SH3BGRL: variants seen among roughly 807,000 people sequenced by gnomAD.
SH3BGRL encodes the protein adapter SH3BGRL.
In SH3BGRL, 7 loss-of-function variants were observed where a neutral mutation model predicts 9.8. The ratio of observed to expected loss-of-function variants is 0.72; its 90% CI spans 0.41 to 1.35. The LOEUF (loss-of-function observed/expected upper bound fraction) is 1.35, where lower values mean the gene tolerates loss of function less well. SH3BGRL is among the 40% of genes most tolerant of loss of function. SH3BGRL has a pLI of 0.01. For synonymous variants in SH3BGRL, 36 were observed against 29.1 expected, an observed-to-expected ratio of 1.24 and a Z score of -0.76; for missense variants, 73 against 84.4, an observed-to-expected ratio of 0.86 and a Z score of 0.53.
chrX:81,225,382 G>T (rs893034539), intron 1 of SH3BGRL, among the ~76,000 whole-genome samples: 15 of 110,642 alleles, frequency 1.4e-4, no homozygotes, highest in African/African-American at 4.6e-4. Context: ...GTACCCAATA[G>T]ATAAATTTTC....
rs949287779 is a variant in SH3BGRL, at chrX:81,222,659, A to G, written c.45+20414A>G. Among the ~76,000 whole-genome samples the G allele has an allele frequency of 1.4e-3, 156 of 111,293 alleles. 1 individual carries two copies. Among genetic ancestry groups the G allele is most frequent in the South Asian group, 2.7e-3 (7 of 2,595 alleles). On this transcript the variant is annotated intron_variant, in intron 1 of 3. Coordinates refer to ENST00000373212, the MANE Select transcript of SH3BGRL (RefSeq NM_003022.3). ...CATGTGCATGTGTCTTTATAGCAGCATATTTTATAGTCTTTTGGGTATATG... is the reference window on the plus strand; with the variant it reads ...CATGTGCATGTGTCTTTATAGCAGCGTATTTTATAGTCTTTTGGGTATATG...
chrX:81,220,001 G>A (rs1392818697), intron 1 of SH3BGRL, among the ~76,000 whole-genome samples: 1 of 111,089 alleles, frequency 9.0e-6, no homozygotes, highest in Non-Finnish European at 1.9e-5. Context: ...TTTTTAATGT[G>A]TTCATGAATT....
At chrX:81,283,696 AC>A (rs983198507) in intron 3 of SH3BGRL, among the ~76,000 whole-genome samples, 4 of 111,575 alleles carry the variant, frequency 3.6e-5, no homozygotes, top group Non-Finnish European at 5.7e-5. Flanking sequence ...CCTATGACAA[AC>A]CCACAGCCAA....
rs746688299 is a variant in SH3BGRL at position 81,297,394 on chromosome X, C to A, written c.*167C>A. 7.3e-6 allele frequency: 3 copies of A among 413,195 alleles called. No individual in the cohort carries two copies. Among genetic ancestry groups the A allele is most frequent in the Non-Finnish European group, 8.4e-6 (2 of 237,101 alleles). The allele number at this position is 413,195 out of a possible 1,213,427, so 34.1% of individuals were successfully genotyped here. On this transcript the variant is annotated 3_prime_UTR_variant, in exon 4 of 4. Coordinates refer to ENST00000373212, the MANE Select transcript of SH3BGRL (RefSeq NM_003022.3). ...AATGAATACAAAATTAAAATTTGAA[C>A]ATTATGGTGATTATGGTGAGGAGAA...
chrX:81,218,300 A>G (rs2075587493), intron 1 of SH3BGRL, among the ~76,000 whole-genome samples: 1 of 110,055 alleles, frequency 9.1e-6, no homozygotes, highest in Non-Finnish European at 1.9e-5. Context: ...TTGTGTGAGT[A>G]CTTTTTTTAA....
intron 1 of SH3BGRL, among the ~76,000 whole-genome samples, chrX:81,218,476 CTT>C (rs746432673): frequency 5.5e-5 from 6 of 109,167 alleles, no homozygotes; most frequent in African/African-American, 2.0e-4. Flanking sequence ...CTCAAAAAGA[CTT>C]TATCTGTCCT....
chrX:81,288,623 G>A (rs186789946), intron 3 of SH3BGRL, among the ~76,000 whole-genome samples: 2 of 112,136 alleles, frequency 1.8e-5, no homozygotes, highest in Non-Finnish European at 3.8e-5. Flanking sequence ...AAAGTCAGTA[G>A]CATTTCTATA....
At chrX:81,262,099 G>A (rs970517916) in intron 1 of SH3BGRL, among the ~76,000 whole-genome samples, 4 of 111,216 alleles carry the variant, frequency 3.6e-5, no homozygotes, top group African/African-American at 1.3e-4. Flanking sequence ...GCTGATTACA[G>A]CCACCTTACT....
chrX:81,278,098 G>A (rs1021140069), intron 2 of SH3BGRL, among the ~76,000 whole-genome samples: 4 of 111,627 alleles, frequency 3.6e-5, no homozygotes, highest in African/African-American at 1.3e-4. Flanking sequence ...AAGTAGCGGG[G>A]ATTACAGGCA....
At chrX:81,286,091 G>A (rs1025438399) in intron 3 of SH3BGRL, among the ~76,000 whole-genome samples, 59 of 111,166 alleles carry the variant, frequency 5.3e-4, no homozygotes, top group African/African-American at 1.9e-3. Context: ...TTTAAAACAA[G>A]GTATGTATTT....
At chrX:81,285,607 G>A (rs993972732) in intron 3 of SH3BGRL, among the ~76,000 whole-genome samples, 4 of 111,818 alleles carry the variant, frequency 3.6e-5, no homozygotes, top group African/African-American at 9.7e-5. Flanking sequence ...TATTTAACAA[G>A]AGGTTCAACT....
intron 1 of SH3BGRL, among the ~76,000 whole-genome samples, chrX:81,212,770 T>C (rs773155067): frequency 1.8e-5 from 2 of 111,662 alleles, no homozygotes; most frequent in South Asian, 7.5e-4. Context: ...TGCCAGGGAC[T>C]GCTTGGGACA....
At chrX:81,213,434 A>G (rs1204365499) in intron 1 of SH3BGRL, among the ~76,000 whole-genome samples, 1 of 112,519 alleles carries the variant, frequency 8.9e-6, no homozygotes, top group Non-Finnish European at 1.9e-5. Flanking sequence ...GTAAAAGCAT[A>G]TGATAAAAAG....
intron 3 of SH3BGRL, among the ~76,000 whole-genome samples, chrX:81,279,880 C>A (rs763534281): frequency 9.0e-6 from 1 of 111,725 alleles, no homozygotes; most frequent in East Asian, 2.8e-4. Flanking sequence ...ACTTCACAGG[C>A]AAGGGAAGAA....
chrX:81,255,788 T>TA (rs1367048707), intron 1 of SH3BGRL: 8 of 112,361 alleles, frequency 7.1e-5, no homozygotes, highest in Non-Finnish European at 1.5e-4. Context: ...CTTTTGAGTT[T>TA]AAAAAAGCCA....
chrX:81,277,117 C>T lies in SH3BGRL; in HGVS notation c.179C>T (p.Ala60Val), dbSNP rs201425126. The change falls in exon 2 of 4, where the codon GCC (alanine) becomes GTC (valine). Residue 60 changes from alanine (A) to valine (V), a missense_variant. Transcript: ENST00000373212. ...RENVPENSRP[A>V]TGYPLPPQIF... is the part of the protein sequence containing the mutation. ...AATGTACCTGAAAATAGTCGACCAG[C>T]CACAGGTTACCCCCTGCCACCTCAG... 7.0e-4 allele frequency: 839 copies of T among 1,205,934 alleles called. 1 individual carries two copies. Among genetic ancestry groups the T allele is most frequent in the South Asian group, 8.6e-4 (48 of 55,738 alleles).
At chrX:81,264,777 G>A (rs1410649540) in intron 1 of SH3BGRL, among the ~76,000 whole-genome samples, 1 of 110,597 alleles carries the variant, frequency 9.0e-6, no homozygotes, top group Non-Finnish European at 1.9e-5. Context: ...CAGGCACCGA[G>A]AGTAGAATTG....
At chrX:81,295,341 A>G (rs907559333) in intron 3 of SH3BGRL, among the ~76,000 whole-genome samples, 4 of 111,541 alleles carry the variant, frequency 3.6e-5, no homozygotes, top group African/African-American at 9.8e-5. Context: ...AGTTTCCTCC[A>G]TACTGCTTTT....
chrX:81,282,108 A>G (rs772766031), intron 3 of SH3BGRL, among the ~76,000 whole-genome samples: 2 of 112,128 alleles, frequency 1.8e-5, no homozygotes, highest in Non-Finnish European at 3.8e-5. Flanking sequence ...ATGGTGAAAG[A>G]CCTTATCCAA....
Sources: gnomAD v4.1 joint callset for allele counts (sites outside exome capture counted in the v4.1 genomes callset) on GRCh38, gnomAD v4.1.1 for gene constraint, MANE v1.5 for transcripts, NCBI Gene and HGNC (gene_info 2026-07-23, HGNC 2026-07-21) for gene names.